MED22: variants seen among roughly 807,000 people sequenced by gnomAD.
MED22 encodes the protein mediator complex subunit 22.
MED22 carries 22 observed loss-of-function variants against 22.7 expected under a neutral mutation model. That is an observed-to-expected ratio of 0.97 (90% CI 0.69 to 1.38). MED22 has a LOEUF of 1.38. Among genes scored for constraint, MED22 ranks in the 40% most tolerant of loss-of-function variants. MED22 has a pLI of 0.00. For missense variants in MED22, 247 were observed against 263.0 expected, an observed-to-expected ratio of 0.94 and a Z score of 0.42; for synonymous variants, 134 against 119.4, an observed-to-expected ratio of 1.12 and a Z score of -0.80.
rs2129959027 is a variant in MED22 at position 133,344,072 on chromosome 9, G to C, written c.413+53C>G. ...AGAAGGCAGCCCTGCCTGCTGGCCAGGCCCAGGTAGGCAGGCTCCCGCTCT... is the reference window on the plus strand; with the variant it reads ...AGAAGGCAGCCCTGCCTGCTGGCCACGCCCAGGTAGGCAGGCTCCCGCTCT... On this transcript the variant is annotated intron_variant, in intron 4 of 4. Coordinates refer to ENST00000343730, the MANE Select transcript of MED22 (RefSeq NM_133640.5). 1.9e-6 allele frequency: 3 copies of C among 1,604,386 alleles called. No homozygotes were observed. In the South Asian group the frequency reaches 3.3e-5, roughly 18 times the overall value.
Position 133,341,590 on chromosome 9 carries a change from G to A in MED22, c.518C>T (p.Ser173Phe). ...TAGGGGGCCAGCACTGGGCTCCGGG[G>A]ACGCCAGCAGAGGGGCCGAGAGGCC... ...ADGLSAPLLA[S>F]PEPSAGPLQV... is the part of the protein sequence containing the mutation. Residue 173 changes from serine to phenylalanine, a missense_variant, in exon 5 of 5, where the codon TCC (serine) becomes TTC (phenylalanine). Physicochemically the swap from Ser to Phe is radical, Grantham distance 155. Coordinates refer to ENST00000343730, the MANE Select transcript of MED22 (RefSeq NM_133640.5). 6.3e-7 allele frequency: 1 copy of A among 1,584,206 alleles called. No individual in the cohort carries two copies. Among genetic ancestry groups the A allele is most frequent in the Non-Finnish European group, 8.6e-7 (1 of 1,168,858 alleles).
At chr9:133,341,832 C>A in intron 4 of MED22, 138 bp from the exon 5 acceptor site, 1 of 1,420,488 alleles carries the variant, frequency 7.0e-7, no homozygotes, top group Non-Finnish European at 9.1e-7. Context: ...TCCACTCCTG[C>A]TCCATCTGTC....
Position 133,348,082 on chromosome 9 carries a change from C to CA in MED22, c.-200dup. Reference sequence around the variant, plus strand: ...CCGCGCCGCGGTCCGAAAACCTAGTCAGCCGCCGCAGCCTCTCGGCCCCGC... The same window carrying CA: ...CCGCGCCGCGGTCCGAAAACCTAGTCAAGCCGCCGCAGCCTCTCGGCCCCGC... On this transcript the variant is annotated 5_prime_UTR_variant, in exon 1 of 5. Coordinates refer to ENST00000343730, the MANE Select transcript of MED22 (RefSeq NM_133640.5). 1 of 1,026,374 alleles carries CA rather than the reference C, an allele frequency of 9.7e-7. No homozygotes were observed. The highest frequency in any genetic ancestry group is 1.4e-5 in the South Asian group (1 of 71,050). The allele number at this position is 1,026,374 out of a possible 1,614,324, so 63.6% of individuals were successfully genotyped here.
In MED22 at chr9:133,339,151, C is replaced by T. The variant is rs1182260315; in HGVS notation, c.*2354G>A. On this transcript the variant is annotated 3_prime_UTR_variant, in exon 5 of 5. Coordinates refer to ENST00000343730, the MANE Select transcript of MED22 (RefSeq NM_133640.5). ...GTACTGTTCAAAAAGGAATGCCCCACAAATGTCACCATGGCTAGACTGGGA... is the reference window on the plus strand; with the variant it reads ...GTACTGTTCAAAAAGGAATGCCCCATAAATGTCACCATGGCTAGACTGGGA... The T allele has an allele frequency of 7.3e-6, 5 of 683,748 alleles. No individual in the cohort carries two copies. Among genetic ancestry groups the T allele is most frequent in the African/African-American group, 3.5e-5 (2 of 56,744 alleles). The allele number at this position is 683,748 out of a possible 1,614,324, so 42.4% of individuals were successfully genotyped here.
rs2129957245 is a variant in MED22, at chr9:133,343,578, C to T, written c.413+547G>A. 1.4e-5 allele frequency: 17 copies of T among 1,242,794 alleles called. No homozygotes were observed. The African/African-American group carries it at 2.3e-4, about 17-fold the overall frequency. The allele number at this position is 1,242,794 out of a possible 1,614,324, so 77.0% of individuals were successfully genotyped here. A position where few individuals can be genotyped will look rare whatever the true frequency, so the allele number is the denominator to read the frequency against. ...CTGAGTGGGTCACGAATTGGAGCTC[C>T]AATGGCTTTCAAGGCCATTCCCTGC... On this transcript the variant is annotated intron_variant, in intron 4 of 4. Coordinates refer to ENST00000343730, the MANE Select transcript of MED22 (RefSeq NM_133640.5).
At chr9:133,345,147 C>G in intron 3 of MED22, 25 bp downstream of exon 3, 2 of 1,611,044 alleles carry the variant, frequency 1.2e-6, no homozygotes, top group Non-Finnish European at 1.7e-6. Flanking sequence ...GAGCCCAGGC[C>G]GTGCCCTCCA....
In MED22 at chr9:133,340,479, C is replaced by A; in HGVS notation, c.*1026G>T. 6.6e-6 allele frequency: 1 copy of A among 150,778 alleles called. No individual in the cohort carries two copies. 9.3% of individuals were successfully genotyped at this position (150,778 alleles called of 1,614,324 possible). On this transcript the variant is annotated 3_prime_UTR_variant, in exon 5 of 5. Coordinates refer to ENST00000343730, the MANE Select transcript of MED22 (RefSeq NM_133640.5). ...CTTCCTGTGGACGAACTGTGCTCCC[C>A]CCACACTTCCTGCCCAGTGTTGTGA...
intron 4 of MED22, chr9:133,343,909 C>G: frequency 1.4e-6 from 2 of 1,428,310 alleles, no homozygotes; most frequent in Non-Finnish European, 1.8e-6. Context: ...TGGTTTTCAT[C>G]ACATTGCACT....
At chr9:133,343,262 T>C in intron 4 of MED22, 2 of 1,217,082 alleles carry the variant, frequency 1.6e-6, no homozygotes, top group Non-Finnish European at 2.0e-6. Flanking sequence ...GAAAGGTTTG[T>C]CCAGGAGAAG....
In MED22 at chr9:133,342,953, G is replaced by C. The variant is rs2129955429; in HGVS notation, c.413+1172C>G. ...TCAGGGACGGTGGCTGCCTCAAAGA[G>C]ACCGACAAACTGAACAGCTGTGGAA... On this transcript the variant is annotated intron_variant, in intron 4 of 4. Transcript: ENST00000343730. The C allele has an allele frequency of 1.2e-5, 12 of 985,796 alleles. No individual in the cohort carries two copies. The South Asian group carries it at 5.6e-4, about 46-fold the overall frequency. 61.1% of individuals were successfully genotyped at this position (985,796 alleles called of 1,614,324 possible). A position where few individuals can be genotyped will look rare whatever the true frequency, so the allele number is the denominator to read the frequency against.
intron 4 of MED22, chr9:133,342,344 T>A (rs1836030918): frequency 1.0e-6 from 1 of 985,964 alleles, no homozygotes; most frequent in African/African-American, 1.7e-5. Context: ...GCTCGCCTCT[T>A]TCTAACCTGC....
chr9:133,342,940 G>C lies in MED22; in HGVS notation c.413+1185C>G, dbSNP rs2129955385. 3.7e-3 allele frequency: 3,690 copies of C among 985,764 alleles called. 16 individuals are homozygous for C. Among genetic ancestry groups the C allele is most frequent in the Non-Finnish European group, 4.0e-3 (3,290 of 830,172 alleles). The allele number at this position is 985,764 out of a possible 1,614,324, so 61.1% of individuals were successfully genotyped here. A position where few individuals can be genotyped will look rare whatever the true frequency, so the allele number is the denominator to read the frequency against. On this transcript the variant is annotated intron_variant, in intron 4 of 4. Transcript: ENST00000343730. ...TGTGCAGGGGCCCTCAGGGACGGTG[G>C]CTGCCTCAAAGAGACCGACAAACTG...
At chr9:133,342,529 C>A in intron 4 of MED22, 3 of 986,402 alleles carry the variant, frequency 3.0e-6, no homozygotes, top group Non-Finnish European at 3.6e-6. Flanking sequence ...CAGGCGAGCA[C>A]AGAGGCGCAG....
At chr9:133,342,553 G>C (rs2129953877) in intron 4 of MED22, 1 of 985,524 alleles carries the variant, frequency 1.0e-6, no homozygotes. Context: ...ATGCGGAACA[G>C]GGCAGGGCAG....
chr9:133,344,880 T>C (rs2129963059), intron 3 of MED22, among the ~76,000 whole-genome samples: 2 of 152,338 alleles, frequency 1.3e-5, no homozygotes, highest in East Asian at 1.9e-4. Context: ...CAGGAAGGGC[T>C]ACCCTCTTTC....
At chr9:133,344,070 C>A in intron 4 of MED22, 55 bp downstream of exon 4, 1 of 1,603,090 alleles carries the variant, frequency 6.2e-7, no homozygotes, top group Non-Finnish European at 8.5e-7. Flanking sequence ...GCCTGCTGGC[C>A]AGGCCCAGGT....
At chr9:133,342,642 C>T in intron 4 of MED22, 1 of 986,096 alleles carries the variant, frequency 1.0e-6, no homozygotes, top group Non-Finnish European at 1.2e-6. Flanking sequence ...CGCTTAAAGG[C>T]AATGTACAGA....
In MED22 at chr9:133,344,350, C is replaced by G. The variant is rs1836118505; in HGVS notation, c.205-17G>C. ...GGCTCGGACCTGTGGCCATCAGAAC[C>G]AGGGCGGGCACAGGGTGAGGGGGGA... On this transcript the variant is annotated splice_polypyrimidine_tract_variant and intron_variant, in intron 3 of 4. Coordinates refer to ENST00000343730, the MANE Select transcript of MED22 (RefSeq NM_133640.5). The G allele has an allele frequency of 6.2e-7, 1 of 1,613,494 alleles. No individual in the cohort carries two copies. The highest frequency in any genetic ancestry group is 8.5e-7 in the Non-Finnish European group (1 of 1,179,788).
intron 1 of MED22, 138 bp from the exon 2 acceptor site, chr9:133,346,838 C>T: frequency 1.2e-6 from 1 of 825,696 alleles, no homozygotes; most frequent in East Asian, 2.7e-5. Context: ...CACAGATGAA[C>T]TCATTCCATC....
Sources: gnomAD v4.1 joint callset for allele counts (sites outside exome capture counted in the v4.1 genomes callset) on GRCh38, gnomAD v4.1.1 for gene constraint, MANE v1.5 for transcripts, NCBI Gene and HGNC (gene_info 2026-07-23, HGNC 2026-07-21) for gene names.